SLC35F4: variants seen among roughly 807,000 people sequenced by gnomAD.
SLC35F4 encodes the protein chromosome 14 open reading frame 36.
In SLC35F4, 24 loss-of-function variants were observed where a neutral mutation model predicts 44.2. The observed-to-expected ratio is 0.54, with a 90% CI of 0.39 to 0.76. The LOEUF (loss-of-function observed/expected upper bound fraction) is 0.76. Ranked by LOEUF, SLC35F4 falls within the 30% of genes least tolerant of loss-of-function variation. The probability of loss-of-function intolerance (pLI) is 0.00; values close to 1 mark genes in which losing one functional copy is unlikely to be tolerated. For missense variants in SLC35F4, 562 were observed against 586.1 expected, an observed-to-expected ratio of 0.96 and a Z score of 0.42; for synonymous variants, 238 against 223.6, an observed-to-expected ratio of 1.06 and a Z score of -0.57.
chr14:57,697,503 C>T (rs1221376025), intron 1 of SLC35F4, among the ~76,000 whole-genome samples: 1 of 151,962 alleles, frequency 6.6e-6, no homozygotes, highest in Non-Finnish European at 1.5e-5. Context: ...GAGTTCGAGA[C>T]AAACCTGGGC....
upstream of SLC35F4, among the ~76,000 whole-genome samples, chr14:57,870,516 AC>A (rs1382440502): frequency 1.3e-5 from 2 of 152,214 alleles, no homozygotes; most frequent in Admixed American, 1.3e-4. Context: ...AGATCTTATA[AC>A]TGTGACTGGC....
At chr14:57,922,445 G>T (rs1019712978) in intron 1 of SLC35F4, among the ~76,000 whole-genome samples, 3 of 152,164 alleles carry the variant, frequency 2.0e-5, no homozygotes, top group African/African-American at 7.2e-5. Context: ...ACTACTAATT[G>T]ATGGTGAGAT....
intron 1 of SLC35F4, among the ~76,000 whole-genome samples, chr14:57,638,920 A>T (rs987684270): frequency 1.3e-5 from 2 of 152,078 alleles, no homozygotes; most frequent in African/African-American, 4.8e-5. Flanking sequence ...CATACATGCA[A>T]AATGGAGAGA....
intron 1 of SLC35F4, among the ~76,000 whole-genome samples, chr14:57,672,639 A>G (rs2074556449): frequency 6.6e-6 from 1 of 152,118 alleles, no homozygotes. Flanking sequence ...TATTGCATTC[A>G]TTTGTACTTC....
chr14:57,952,903 A>T (rs905430621), intron 1 of SLC35F4, among the ~76,000 whole-genome samples: 7 of 152,164 alleles, frequency 4.6e-5, no homozygotes, highest in Non-Finnish European at 7.4e-5. Flanking sequence ...AGCTAGCAAG[A>T]TAAGCCAACA....
chr14:57,752,055 A>G (rs1401103828), intron 1 of SLC35F4, among the ~76,000 whole-genome samples: 1 of 152,146 alleles, frequency 6.6e-6, no homozygotes, highest in East Asian at 1.9e-4. Context: ...CCAGGCTCCC[A>G]GGACAGCTCG....
chr14:57,595,867 T>C (rs1171437962), intron 1 of SLC35F4: 2 of 152,224 alleles, frequency 1.3e-5, no homozygotes, highest in Non-Finnish European at 2.9e-5. Flanking sequence ...TTTCTATTTC[T>C]TCTATTTCTT....
At chr14:57,750,672 T>G (rs1355712491) in intron 1 of SLC35F4, among the ~76,000 whole-genome samples, 1 of 152,240 alleles carries the variant, frequency 6.6e-6, no homozygotes, top group East Asian at 1.9e-4. Flanking sequence ...CATTTGTATG[T>G]CTTCTTTTGA....
intron 1 of SLC35F4, among the ~76,000 whole-genome samples, chr14:57,622,696 CATTGGGAGATATACCTAATGCTAG>C (rs1441568068): frequency 6.6e-6 from 1 of 152,038 alleles, no homozygotes; most frequent in African/African-American, 2.4e-5. Flanking sequence ...GGAGGGATAG[CATTGGGAGATATACCTAATGCTAG>C]ATGACGAGTT....
At chr14:57,740,402 T>A (rs13379377) in intron 1 of SLC35F4, among the ~76,000 whole-genome samples, 12,684 of 152,226 alleles carry the variant, frequency 0.083, 735 homozygotes, top group East Asian at 0.21. Context: ...TGTCTCCAAA[T>A]AGGCTGGAAC....
chr14:57,612,019 A>T (rs1472469508), intron 1 of SLC35F4, among the ~76,000 whole-genome samples: 3 of 152,238 alleles, frequency 2.0e-5, no homozygotes, highest in African/African-American at 7.2e-5. Flanking sequence ...CTCAAGTGAC[A>T]CAGTGACAAT....
At chr14:57,928,376 C>T (rs976768069) in intron 1 of SLC35F4, among the ~76,000 whole-genome samples, 3 of 152,196 alleles carry the variant, frequency 2.0e-5, no homozygotes, top group Non-Finnish European at 2.9e-5. Flanking sequence ...AAAGGCAGGA[C>T]TTTCACAATC....
chr14:57,860,012 G>A (rs1162908832), intron 1 of SLC35F4, among the ~76,000 whole-genome samples: 1 of 152,064 alleles, frequency 6.6e-6, no homozygotes, highest in Non-Finnish European at 1.5e-5. Flanking sequence ...AGAAAAAGTG[G>A]GCCTAGAATT....
chr14:57,763,315 TATAAAG>T (rs1184108675), intron 1 of SLC35F4, among the ~76,000 whole-genome samples: 8 of 152,274 alleles, frequency 5.3e-5, no homozygotes, highest in East Asian at 1.9e-4. Flanking sequence ...TGACAAAAGG[TATAAAG>T]ATAAAGAAAT....
intron 1 of SLC35F4, among the ~76,000 whole-genome samples, chr14:57,933,053 T>C (rs1394255839): frequency 6.6e-6 from 1 of 151,688 alleles, no homozygotes; most frequent in Non-Finnish European, 1.5e-5. Context: ...TTTTTTTTTT[T>C]TTTTAAGAGT....
chr14:57,663,697 G>A (rs1003119533), intron 1 of SLC35F4, among the ~76,000 whole-genome samples: 1 of 152,174 alleles, frequency 6.6e-6, no homozygotes, highest in Non-Finnish European at 1.5e-5. Context: ...AAGAGCCACA[G>A]GTAACTAAAA....
At chr14:57,715,189 C>T (rs897036706) in intron 1 of SLC35F4, among the ~76,000 whole-genome samples, 10 of 151,962 alleles carry the variant, frequency 6.6e-5, no homozygotes, top group Admixed American at 3.9e-4. Flanking sequence ...CAAATGGCAG[C>T]GCAGTTCCAG....
chr14:57,579,819 C>G (rs1473567555), intron 4 of SLC35F4, among the ~76,000 whole-genome samples: 1 of 152,196 alleles, frequency 6.6e-6, no homozygotes. Flanking sequence ...AAGGTCCCCA[C>G]CCTTGGCTCA....
chr14:57,646,084 C>T (rs925507295), intron 1 of SLC35F4, among the ~76,000 whole-genome samples: 5 of 152,062 alleles, frequency 3.3e-5, no homozygotes, highest in African/African-American at 1.2e-4. Flanking sequence ...CTAAAATTAT[C>T]TTTTTTTGTT....
Sources: allele counts gnomAD v4.1 joint callset (sites outside exome capture counted in the v4.1 genomes callset), GRCh38; gene constraint gnomAD v4.1.1; transcripts MANE v1.5; gene names NCBI Gene and HGNC (gene_info 2026-07-23, HGNC 2026-07-21).